Variants in VCAN observed in about 807,000 individuals in gnomAD.
The protein encoded by VCAN is versican core protein.
In VCAN, 44 loss-of-function variants were observed where a neutral mutation model predicts 245.5. The observed-to-expected ratio is 0.18, with a 90% CI of 0.14 to 0.23. The LOEUF (loss-of-function observed/expected upper bound fraction) is 0.23, where lower values mean the gene tolerates loss of function less well. VCAN is among the 10% of genes least tolerant of loss of function. The probability of loss-of-function intolerance (pLI) is 1.00; values close to 1 mark genes in which losing one functional copy is unlikely to be tolerated. For synonymous variants in VCAN, 1,413 were observed against 1,437.0 expected, an observed-to-expected ratio of 0.98 and a Z score of 0.38; for missense variants, 3,793 against 4,057.9, an observed-to-expected ratio of 0.93 and a Z score of 1.77.
chr5:83,561,354 T>C (rs17684382), intron 12 of VCAN, among the ~76,000 whole-genome samples: 2,387 of 152,196 alleles, frequency 0.016, 23 homozygotes, highest in Middle Eastern at 0.051. Context: ...CTTGCTATGA[T>C]AGTTGTGATA....
chr5:83,537,159 A>G lies in VCAN; in HGVS notation c.4156A>G (p.Ser1386Gly). The G allele has an allele frequency of 6.2e-7, 1 of 1,613,834 alleles. No individual in the cohort carries two copies. The highest frequency in any genetic ancestry group is 8.5e-7 in the Non-Finnish European group (1 of 1,179,886). The part of the protein sequence containing the change: ...PDIIEIDLYH[S>G]EENEEEEEEC... Reference sequence around the variant, plus strand: ...CATAATTGAAATAGACCTATACCACAGTGAAGAAAATGAAGAAGAAGAAGA... The same window carrying G: ...CATAATTGAAATAGACCTATACCACGGTGAAGAAAATGAAGAAGAAGAAGA... The change falls in exon 8 of 15, where the codon AGT becomes GGT. Residue 1386 changes from serine to glycine, a missense_variant. Ser to Gly is a moderately conservative substitution (Grantham distance 56, BLOSUM62 0). Around this residue, in one of 5 missense-constraint regions of VCAN, gnomAD observed 3,182 missense variants for 3,250.3 expected, o/e 0.98. Transcript: ENST00000265077.
chr5:83,575,433 G>A (rs1056827187), intron 13 of VCAN, among the ~76,000 whole-genome samples: 5 of 152,014 alleles, frequency 3.3e-5, no homozygotes, highest in Admixed American at 1.3e-4. Flanking sequence ...TAAATTATTC[G>A]TCTCTATCCA....
chr5:83,553,342 G>A (rs748999889), intron 10 of VCAN, 22 bp from the exon 11 acceptor site: 2 of 1,613,696 alleles, frequency 1.2e-6, no homozygotes, highest in South Asian at 1.1e-5. Flanking sequence ...CGTTTAATAA[G>A]CTCCTGCCTG....
At chr5:83,567,112 C>CT (rs1021346060) in intron 12 of VCAN, among the ~76,000 whole-genome samples, 2 of 151,778 alleles carry the variant, frequency 1.3e-5, no homozygotes, top group African/African-American at 4.8e-5. Flanking sequence ...AATGGTAGCC[C>CT]TTTTTGGCAT....
Position 83,545,546 on chromosome 5 carries a change from G to T in VCAN, c.9275G>T (p.Arg3092Leu), listed in dbSNP as rs528022086. The T allele has an allele frequency of 1.5e-5, 24 of 1,613,978 alleles. No homozygotes were observed. The highest frequency in any genetic ancestry group is 1.9e-5 in the Non-Finnish European group (22 of 1,179,880). ...GTAIYLPGPD[R>L]CKMNPCLNGG... ...TTCCTGAATATGGTAGGACCTGATC[G>T]CTGCAAAATGAACCCGTGCCTTAAC... Residue 3092 changes from arginine to leucine, a missense_variant, in exon 9 of 15, where the codon CGC becomes CTC. Arg to Leu is a moderately radical substitution (Grantham distance 102). Around this residue, in one of 5 missense-constraint regions of VCAN, gnomAD observed 3,182 missense variants for 3,250.3 expected, o/e 0.98. Coordinates refer to ENST00000265077, the MANE Select transcript of VCAN (RefSeq NM_004385.5).
chr5:83,474,485 C>A (rs759577277), intron 1 of VCAN, among the ~76,000 whole-genome samples: 2 of 152,198 alleles, frequency 1.3e-5, no homozygotes, highest in East Asian at 1.9e-4. Context: ...GGTCCAGCCC[C>A]GCCCAAAGGG....
chr5:83,548,509 C>T (rs1747325579), intron 10 of VCAN, among the ~76,000 whole-genome samples: 1 of 152,104 alleles, frequency 6.6e-6, no homozygotes, highest in Admixed American at 6.6e-5. Context: ...TGTTAGAATA[C>T]ATTTGCTTTG....
At chr5:83,554,873 T>C in intron 11 of VCAN, 83 bp from the exon 12 acceptor site, 6 of 1,295,830 alleles carry the variant, frequency 4.6e-6, no homozygotes, top group East Asian at 2.4e-5. Context: ...GCATGATTCA[T>C]GCTGAAAATA....
At chr5:83,473,177 G>A (rs1744257177) in intron 1 of VCAN, among the ~76,000 whole-genome samples, 1 of 152,228 alleles carries the variant, frequency 6.6e-6, no homozygotes, top group Non-Finnish European at 1.5e-5. Context: ...GCGCTGTAGG[G>A]CGACATCCCT....
chr5:83,531,294 G>A (rs553974698), intron 7 of VCAN: 1 of 152,276 alleles, frequency 6.6e-6, no homozygotes, highest in South Asian at 2.1e-4. Flanking sequence ...TAAGTACCAT[G>A]AGTGGCTTTT....
At chr5:83,509,649 A>C (rs1745593067) in intron 5 of VCAN, among the ~76,000 whole-genome samples, 1 of 152,260 alleles carries the variant, frequency 6.6e-6, no homozygotes, top group South Asian at 2.1e-4. Flanking sequence ...AAACTAAGGC[A>C]ACACAACTAA....
chr5:83,554,356 C>T (rs539219036), intron 11 of VCAN, among the ~76,000 whole-genome samples: 8 of 152,278 alleles, frequency 5.3e-5, no homozygotes, highest in Middle Eastern at 3.4e-3. Context: ...TGCCTACTAT[C>T]GTTTAGAAGT....
Position 83,522,200 on chromosome 5 carries a change from C to A in VCAN, c.3894C>A (p.Asp1298Glu). Residue 1298 changes from aspartate (D) to glutamate (E), a missense_variant, in exon 7 of 15, where the codon GAC becomes GAA. Around this residue, in one of 5 missense-constraint regions of VCAN, gnomAD observed 3,182 missense variants for 3,250.3 expected, o/e 0.98. Coordinates refer to ENST00000265077, the MANE Select transcript of VCAN (RefSeq NM_004385.5). Reference sequence around the variant, plus strand: ...CAACAAGACCACCCACTGTGGAAGACAAAGAGGCCTTTGGACCTCAGGCGC... The same window carrying A: ...CAACAAGACCACCCACTGTGGAAGAAAAAGAGGCCTTTGGACCTCAGGCGC... ...TQPTRPPTVE[D>E]KEAFGPQALS... The A allele has an allele frequency of 2.5e-6, 4 of 1,606,096 alleles. No homozygotes were observed. Among genetic ancestry groups the A allele is most frequent in the Non-Finnish European group, 3.4e-6 (4 of 1,179,862 alleles).
At chr5:83,509,364 T>G (rs1181116175) in intron 5 of VCAN, among the ~76,000 whole-genome samples, 1 of 152,222 alleles carries the variant, frequency 6.6e-6, no homozygotes, top group Non-Finnish European at 1.5e-5. Flanking sequence ...GAAGCCTTTC[T>G]TTCTTTTAAT....
chr5:83,566,783 G>A (rs1748093033), intron 12 of VCAN, among the ~76,000 whole-genome samples: 1 of 152,206 alleles, frequency 6.6e-6, no homozygotes, highest in Non-Finnish European at 1.5e-5. Flanking sequence ...CCTGCAGGAT[G>A]AGTCTTCTCT....
intron 5 of VCAN, among the ~76,000 whole-genome samples, chr5:83,500,593 A>G (rs994372289): frequency 3.3e-5 from 5 of 152,136 alleles, no homozygotes; most frequent in African/African-American, 1.2e-4. Context: ...AAGAAACCTC[A>G]CTTTTGCCTA....
At chr5:83,559,635 C>G (rs1251240232) in intron 12 of VCAN, among the ~76,000 whole-genome samples, 1 of 152,108 alleles carries the variant, frequency 6.6e-6, no homozygotes, top group Non-Finnish European at 1.5e-5. Flanking sequence ...CTGGGAATGA[C>G]TAAGAGCTCC....
chr5:83,520,213 T>C lies in VCAN; in HGVS notation c.1907T>C (p.Leu636Pro). ...QTSGRITEEF[L>P]GKYLSTTPFP... ...AGTGGTAGGATAACGGAAGAGTTTC[T>C]TGGCAAATATCTGTCTACTACACCT... Residue 636 changes from leucine (L) to proline (P), a missense_variant, in exon 7 of 15, where the codon CTT (leucine) becomes CCT (proline). Physicochemically the swap from Leu to Pro is moderately conservative, Grantham distance 98. Coordinates refer to ENST00000265077, the MANE Select transcript of VCAN (RefSeq NM_004385.5). 1 of 1,614,060 alleles carries C rather than the reference T, an allele frequency of 6.2e-7. No homozygotes were observed. The highest frequency in any genetic ancestry group is 2.2e-5 in the East Asian group (1 of 44,876).
Position 83,541,604 on chromosome 5 carries a change from A to C in VCAN, c.8601A>C (p.Glu2867Asp). ...SVMSPQDSFKEIHVNIEATFK... is the reference protein window; with the variant it reads ...SVMSPQDSFKDIHVNIEATFK... ...TGTCCCCACAGGATTCTTTTAAGGAAATTCATGTAAATATTGAAGCGACTT... is the reference window on the plus strand; with the variant it reads ...TGTCCCCACAGGATTCTTTTAAGGACATTCATGTAAATATTGAAGCGACTT... Residue 2867 changes from glutamate to aspartate, a missense_variant, in exon 8 of 15, where the codon GAA (glutamate) becomes GAC (aspartate). Glu to Asp is a conservative substitution (Grantham distance 45). This residue lies in a region of VCAN where 3,182 missense variants were observed against 3,250.3 expected (regional missense o/e 0.98). Transcript: ENST00000265077. The C allele has an allele frequency of 6.2e-7, 1 of 1,613,862 alleles. No homozygotes were observed. Among genetic ancestry groups the C allele is most frequent in the Non-Finnish European group, 8.5e-7 (1 of 1,180,000 alleles).
Sources: gnomAD v4.1 joint callset for allele counts (sites outside exome capture counted in the v4.1 genomes callset) on GRCh38, gnomAD v4.1.1 for gene constraint, gnomAD v4.1.1 regional missense constraint, MANE v1.5 for transcripts, NCBI Gene and HGNC (gene_info 2026-07-23, HGNC 2026-07-21) for gene names.